The following TAFA5 variants were observed in gnomAD, a reference collection of about 807,000 sequenced individuals.
TAFA5 encodes chemokine-like protein TAFA-5.
Under a neutral mutation model 15.3 loss-of-function variants are expected in TAFA5, and 6 were observed. The observed-to-expected ratio is 0.39, with a 90% confidence interval of 0.21 to 0.77. The LOEUF is 0.77. Ranked by LOEUF, TAFA5 falls within the 30% of genes least tolerant of loss-of-function variation. The pLI, the probability that TAFA5 is intolerant of heterozygous loss-of-function variation, is 0.41. For missense variants in TAFA5, 161 were observed against 193.1 expected (o/e 0.83, Z 0.98); for synonymous variants, 103 against 80.7 (o/e 1.28, Z -1.48).
intron 1 of TAFA5, among the ~76,000 whole-genome samples, chr22:48,559,053 G>A (rs150836707): frequency 3.5e-4 from 53 of 152,310 alleles, no homozygotes; most frequent in African/African-American, 1.1e-3. Context: ...GGAAAGAGGC[G>A]TGAGGGAGGT....
chr22:48,703,397 G>A (rs984945474), intron 2 of TAFA5, among the ~76,000 whole-genome samples: 1 of 152,310 alleles, frequency 6.6e-6, no homozygotes, highest in Middle Eastern at 3.4e-3. Context: ...TGTCTGGCAG[G>A]GATGAGGGTC....
intron 1 of TAFA5, among the ~76,000 whole-genome samples, chr22:48,558,438 A>G (rs992391036): frequency 3.3e-5 from 5 of 152,096 alleles, no homozygotes; most frequent in African/African-American, 9.7e-5. Context: ...GGGGCTCATA[A>G]TCATTTGCAT....
chr22:48,622,113 G>T (rs563567270), intron 1 of TAFA5, among the ~76,000 whole-genome samples: 13 of 152,252 alleles, frequency 8.5e-5, no homozygotes, highest in African/African-American at 3.1e-4. Flanking sequence ...AGTGGGAGAC[G>T]CTGAAATCAC....
intron 1 of TAFA5, among the ~76,000 whole-genome samples, chr22:48,496,081 C>A (rs1928314261): frequency 6.6e-6 from 1 of 152,230 alleles, no homozygotes; most frequent in African/African-American, 2.4e-5. Flanking sequence ...GCATGGTGAG[C>A]TAGGCCAGAA....
At chr22:48,626,534 C>A (rs1345542831) in intron 1 of TAFA5, among the ~76,000 whole-genome samples, 1 of 152,162 alleles carries the variant, frequency 6.6e-6, no homozygotes, top group Non-Finnish European at 1.5e-5. Flanking sequence ...ATTGGGTCGT[C>A]TGTGCTCGTA....
In TAFA5 at chr22:48,662,695, G is replaced by T. The variant is rs184268670; in HGVS notation, c.262+15949G>T. Among the ~76,000 whole-genome samples the T allele has an allele frequency of 1.1e-3, 171 of 152,340 alleles. 1 individual carries two copies. The highest frequency in any genetic ancestry group is 4.4e-3 in the South Asian group (21 of 4,824). Reference sequence around the variant, plus strand: ...AGCAGGCACGGAGTGAGAGACACAGGCTGGGAGCAGGTCAGACTGGCAAGC... The same window carrying T: ...AGCAGGCACGGAGTGAGAGACACAGTCTGGGAGCAGGTCAGACTGGCAAGC... On this transcript the variant is annotated intron_variant, in intron 2 of 3. Transcript: ENST00000402357.
At chr22:48,548,837 A>G (rs565774122) in intron 1 of TAFA5, among the ~76,000 whole-genome samples, 3 of 152,208 alleles carry the variant, frequency 2.0e-5, no homozygotes, top group East Asian at 1.9e-4. Context: ...CCAGTTCCCT[A>G]TACTACCTGG....
intron 1 of TAFA5, among the ~76,000 whole-genome samples, chr22:48,632,923 C>T (rs1321578187): frequency 2.0e-5 from 3 of 152,202 alleles, no homozygotes; most frequent in Non-Finnish European, 4.4e-5. Context: ...CATGGGCCTG[C>T]AGCATCCTCA....
intron 1 of TAFA5, among the ~76,000 whole-genome samples, chr22:48,554,935 A>G (rs1922979524): frequency 6.6e-6 from 1 of 152,258 alleles, no homozygotes; most frequent in South Asian, 2.1e-4. Flanking sequence ...GAGCCTCTTC[A>G]AGCTGTGTCC....
chr22:48,615,390 C>T (rs1052036295), intron 1 of TAFA5, among the ~76,000 whole-genome samples: 19 of 152,176 alleles, frequency 1.2e-4, no homozygotes, highest in African/African-American at 4.6e-4. Flanking sequence ...TCTTCAAGTC[C>T]TGGGCAGTGG....
intron 3 of TAFA5, among the ~76,000 whole-genome samples, chr22:48,732,658 G>C (rs1014783059): frequency 1.3e-5 from 2 of 152,250 alleles, no homozygotes; most frequent in Admixed American, 6.5e-5. Flanking sequence ...CTAGTTGACA[G>C]TGCAGCGGCA....
At position 48,750,075 on chromosome 22, in the gene TAFA5, TG is replaced by T; in HGVS notation, c.*230del. 1 of 589,574 alleles carries T rather than the reference TG, an allele frequency of 1.7e-6. No homozygotes were observed. The allele number at this position is 589,574 out of a possible 1,614,324, so 36.5% of individuals were successfully genotyped here. A position where few individuals can be genotyped will look rare whatever the true frequency, so the allele number is the denominator to read the frequency against. On this transcript the variant is annotated 3_prime_UTR_variant, in exon 4 of 4. Transcript: ENST00000402357. ...AGACACATAGGCGGGGGGCGGCACC[TG>T]GCATCAGCAATACGCAGTCTGTGGG...
intron 1 of TAFA5, among the ~76,000 whole-genome samples, chr22:48,615,060 T>C (rs568126832): frequency 1.3e-5 from 2 of 152,214 alleles, no homozygotes; most frequent in Admixed American, 1.3e-4. Context: ...CACAACCAGA[T>C]TCTAGGAAGT....
intron 1 of TAFA5, among the ~76,000 whole-genome samples, chr22:48,646,375 A>G (rs1165609596): frequency 6.6e-6 from 1 of 152,216 alleles, no homozygotes; most frequent in African/African-American, 2.4e-5. Context: ...ACCAGGCTGC[A>G]CACAGGGTGG....
chr22:48,561,773 C>T (rs980952714), intron 1 of TAFA5, among the ~76,000 whole-genome samples: 1 of 152,350 alleles, frequency 6.6e-6, no homozygotes, highest in East Asian at 1.9e-4. Flanking sequence ...TGGGAGCAGA[C>T]GTTGAGTCAC....
intron 3 of TAFA5, among the ~76,000 whole-genome samples, chr22:48,714,124 C>T (rs79554455): frequency 0.053 from 8,051 of 152,298 alleles, 311 homozygotes; most frequent in Admixed American, 0.089. Context: ...CACACTGAGC[C>T]CTGATTCTTG....
intron 2 of TAFA5, among the ~76,000 whole-genome samples, chr22:48,653,385 G>T (rs1011030061): frequency 6.6e-6 from 1 of 152,232 alleles, no homozygotes; most frequent in Non-Finnish European, 1.5e-5. Context: ...AGAGGATGCA[G>T]CCACTTCAGG....
At chr22:48,747,504 C>G (rs777190283) in intron 3 of TAFA5, among the ~76,000 whole-genome samples, 5 of 152,310 alleles carry the variant, frequency 3.3e-5, no homozygotes, top group South Asian at 2.1e-4. Context: ...CAGTGTCCCT[C>G]GTCCCAGGGG....
At chr22:48,498,453 G>C (rs1240264303) in intron 1 of TAFA5, among the ~76,000 whole-genome samples, 3 of 152,180 alleles carry the variant, frequency 2.0e-5, no homozygotes, top group African/African-American at 7.2e-5. Flanking sequence ...GGAATACCTG[G>C]GAAGAGCTCA....
Sources: gnomAD v4.1 joint callset for allele counts (sites outside exome capture counted in the v4.1 genomes callset) on GRCh38, gnomAD v4.1.1 for gene constraint, MANE v1.5 for transcripts, NCBI Gene and HGNC (gene_info 2026-07-23, HGNC 2026-07-21) for gene names.